The following MKRN1 variants were observed in gnomAD, a reference collection of about 807,000 sequenced individuals.
The protein encoded by MKRN1 is makorin ring finger protein 1.
Under a neutral mutation model 55.5 loss-of-function variants are expected in MKRN1, and 9 were observed. That is an observed-to-expected ratio of 0.16 (90% CI 0.10 to 0.28). The LOEUF (loss-of-function observed/expected upper bound fraction) is 0.28, where lower values mean the gene tolerates loss of function less well. Ranked by LOEUF, MKRN1 falls within the 10% of genes least tolerant of loss-of-function variation. The pLI, the probability that MKRN1 is intolerant of heterozygous loss-of-function variation, is 1.00. For synonymous variants in MKRN1, 253 were observed against 235.9 expected (o/e 1.07, Z -0.66); for missense variants, 488 against 626.7 (o/e 0.78, Z 2.36).
In MKRN1 at chr7:140,459,250, G is replaced by A; in HGVS notation, c.545-17C>T. 1.2e-6 allele frequency: 2 copies of A among 1,611,784 alleles called. No homozygotes were observed. Among genetic ancestry groups the A allele is most frequent in the Middle Eastern group, 1.7e-4 (1 of 6,052 alleles). On this transcript the variant is annotated splice_polypyrimidine_tract_variant and intron_variant, in intron 3 of 7. Transcript: ENST00000255977. ...AAGGCGCAGCTGAAAATGTGTAAGA[G>A]GGTGGTAAAGGTCCAAATAGATAAG...
intron 2 of MKRN1, among the ~76,000 whole-genome samples, chr7:140,469,665 C>T (rs1024686026): frequency 1.3e-5 from 2 of 152,202 alleles, no homozygotes; most frequent in African/African-American, 2.4e-5. Flanking sequence ...GTAATCCCAG[C>T]GCTTTGGGAG....
At chr7:140,461,125 G>A (rs2130275271) in intron 2 of MKRN1, among the ~76,000 whole-genome samples, 1 of 152,338 alleles carries the variant, frequency 6.6e-6, no homozygotes, top group African/African-American at 2.4e-5. Flanking sequence ...AAGCAGACAT[G>A]TGGAACATTT....
intron 2 of MKRN1, among the ~76,000 whole-genome samples, chr7:140,471,000 C>G (rs778113540): frequency 6.6e-6 from 1 of 152,124 alleles, no homozygotes; most frequent in Non-Finnish European, 1.5e-5. Flanking sequence ...TCATAAGTGT[C>G]TCTGAGATAG....
At chr7:140,471,225 A>G (rs1178009944) in intron 2 of MKRN1, among the ~76,000 whole-genome samples, 1 of 151,946 alleles carries the variant, frequency 6.6e-6, no homozygotes, top group Non-Finnish European at 1.5e-5. Context: ...TCTCTACAAA[A>G]AACTAAATAA....
intron 4 of MKRN1, among the ~76,000 whole-genome samples, chr7:140,458,174 G>T (rs1794519242): frequency 6.6e-6 from 1 of 152,086 alleles, no homozygotes; most frequent in Admixed American, 6.6e-5. Context: ...CCTAGGTAAC[G>T]GAAAACATAT....
chr7:140,456,367 GT>G, intron 5 of MKRN1: 1 of 1,285,354 alleles, frequency 7.8e-7, no homozygotes, highest in Non-Finnish European at 9.9e-7. Flanking sequence ...AGATCAGTTT[GT>G]TCACTGAGCC....
intron 2 of MKRN1, among the ~76,000 whole-genome samples, chr7:140,463,967 C>T (rs1794700291): frequency 6.6e-6 from 1 of 152,124 alleles, no homozygotes; most frequent in Non-Finnish European, 1.5e-5. Context: ...GACAGTCTCA[C>T]TCTGTCACCT....
At position 140,471,871 on chromosome 7, in the gene MKRN1, A is replaced by G; in HGVS notation, c.314+12T>C. 2 of 1,611,180 alleles carry G rather than the reference A, an allele frequency of 1.2e-6. No homozygotes were observed. Among genetic ancestry groups the G allele is most frequent in the Non-Finnish European group, 1.7e-6 (2 of 1,179,198 alleles). On this transcript the variant is annotated intron_variant, in intron 2 of 7. Transcript: ENST00000255977. Reference sequence around the variant, plus strand: ...AACCCACCCCTGAACAAATTTATAAACAAATTCTTACCTGCAGCGGTCTCC... The same window carrying G: ...AACCCACCCCTGAACAAATTTATAAGCAAATTCTTACCTGCAGCGGTCTCC...
At chr7:140,462,945 GAC>G (rs1483098995) in intron 2 of MKRN1, among the ~76,000 whole-genome samples, 2 of 151,966 alleles carry the variant, frequency 1.3e-5, no homozygotes, top group African/African-American at 2.4e-5. Flanking sequence ...CACTCTGGGT[GAC>G]AGAGCTAGAC....
At chr7:140,473,384 T>C (rs1048708867) in intron 1 of MKRN1, 1 of 375,142 alleles carries the variant, frequency 2.7e-6, no homozygotes. Flanking sequence ...CTGTGCCTCT[T>C]AGAAACCTAA....
intron 1 of MKRN1, among the ~76,000 whole-genome samples, chr7:140,474,121 G>C (rs1394884121): frequency 6.6e-6 from 1 of 151,982 alleles, no homozygotes; most frequent in Non-Finnish European, 1.5e-5. Flanking sequence ...CAGCACTTTG[G>C]GAGGCAGAGG....
At chr7:140,465,313 A>T (rs561487486) in intron 2 of MKRN1, among the ~76,000 whole-genome samples, 48 of 152,196 alleles carry the variant, frequency 3.2e-4, no homozygotes, top group African/African-American at 1.1e-3. Context: ...AGCCTGGCTG[A>T]CATGGTGAAA....
chr7:140,474,892 T>C (rs1294008924), intron 1 of MKRN1, among the ~76,000 whole-genome samples: 4 of 151,756 alleles, frequency 2.6e-5, no homozygotes, highest in Non-Finnish European at 5.9e-5. Context: ...CTAATTTTTG[T>C]ATTTTTAGTA....
chr7:140,459,270 G>C (rs1554447081), intron 3 of MKRN1, 37 bp from the exon 4 acceptor site: 5 of 1,594,520 alleles, frequency 3.1e-6, no homozygotes, highest in Non-Finnish European at 4.3e-6. Context: ...GGTCCAAATA[G>C]ATAAGGCATG....
chr7:140,464,531 C>T (rs940046479), intron 2 of MKRN1, among the ~76,000 whole-genome samples: 8 of 152,046 alleles, frequency 5.3e-5, no homozygotes, highest in African/African-American at 1.4e-4. Flanking sequence ...GGAGAAACCC[C>T]GTGTCTACTA....
chr7:140,477,489 G>A (rs1795160123), intron 1 of MKRN1, among the ~76,000 whole-genome samples: 1 of 151,982 alleles, frequency 6.6e-6, no homozygotes, highest in South Asian at 2.1e-4. Flanking sequence ...CCCGGCTAAT[G>A]TTTTTTGTAT....
At chr7:140,469,498 T>G (rs996968017) in intron 2 of MKRN1, among the ~76,000 whole-genome samples, 1 of 152,206 alleles carries the variant, frequency 6.6e-6, no homozygotes, top group Non-Finnish European at 1.5e-5. Context: ...AATAACAGTA[T>G]ATGACTTCTG....
intron 1 of MKRN1, chr7:140,474,498 A>C (rs1310152726): frequency 3.2e-6 from 1 of 313,308 alleles, no homozygotes; most frequent in African/African-American, 2.3e-5. Flanking sequence ...GTCTCAAAAA[A>C]AAAATAAATA....
At chr7:140,457,030 GGT>G (rs1402379898) in intron 4 of MKRN1, 164 bp from the exon 5 acceptor site, 1 of 686,732 alleles carries the variant, frequency 1.5e-6, no homozygotes, top group Middle Eastern at 3.3e-4. Context: ...ACACAGGTGT[GGT>G]GTTTTTTTTT....
Sources: allele counts gnomAD v4.1 joint callset (sites outside exome capture counted in the v4.1 genomes callset), GRCh38; gene constraint gnomAD v4.1.1; transcripts MANE v1.5; gene names NCBI Gene and HGNC (gene_info 2026-07-23, HGNC 2026-07-21).